The following RRM1 variants were observed in gnomAD, a reference collection of about 807,000 sequenced individuals.
The protein encoded by RRM1 is ribonucleotide reductase catalytic subunit M1, also known as ribonucleoside-diphosphate reductase large subunit.
In RRM1, 19 loss-of-function variants were observed where a neutral mutation model predicts 101.5. That is an observed-to-expected ratio of 0.19 (90% CI 0.13 to 0.27). The LOEUF (loss-of-function observed/expected upper bound fraction) is 0.27. Among genes scored for constraint, RRM1 ranks in the 10% least tolerant of loss-of-function variants. The pLI is 1.00. For missense variants in RRM1, 500 were observed against 962.9 expected (o/e 0.52, Z 6.36); for synonymous variants, 298 against 323.4 (o/e 0.92, Z 0.84).
At chr11:4,116,594 AAACAAC>A (rs1326697720) in intron 7 of RRM1, among the ~76,000 whole-genome samples, 3 of 152,124 alleles carry the variant, frequency 2.0e-5, no homozygotes. Context: ...TCTGTCTCAA[AAACAAC>A]AACAACAAAA....
intron 2 of RRM1, among the ~76,000 whole-genome samples, chr11:4,104,612 C>A (rs953941107): frequency 1.3e-5 from 2 of 152,108 alleles, no homozygotes; most frequent in Non-Finnish European, 2.9e-5. Context: ...TAACCTTGGG[C>A]AAGTCTCAGT....
chr11:4,135,049 GAGTAA>G lies in RRM1; in HGVS notation c.2002-26_2002-22del, dbSNP rs778951380. 10 of 1,498,954 alleles carry G rather than the reference GAGTAA, an allele frequency of 6.7e-6. No homozygotes were observed. The East Asian group carries it at 6.8e-5, about 10-fold the overall frequency. The allele number at this position is 1,498,954 out of a possible 1,614,324, so 92.9% of individuals were successfully genotyped here. ...AATCATACACTGCTTTCTTTAACTG[GAGTAA>G]AGTAAACATTGGGTTTTCCTTCTTT... On this transcript the variant is annotated intron_variant, in intron 17 of 18. Transcript: ENST00000300738.
In RRM1 at chr11:4,094,927, C is replaced by G; in HGVS notation, c.-86C>G. On this transcript the variant is annotated 5_prime_UTR_variant, in exon 1 of 19. Transcript: ENST00000300738. ...GAGCAGCGCCTGGAACCTAACCCTTCCCACTCTGTCACCTTCTCGATCCCG... is the reference window on the plus strand; with the variant it reads ...GAGCAGCGCCTGGAACCTAACCCTTGCCACTCTGTCACCTTCTCGATCCCG... The G allele has an allele frequency of 7.0e-7, 1 of 1,423,410 alleles. No homozygotes were observed. Among genetic ancestry groups the G allele is most frequent in the Non-Finnish European group, 9.7e-7 (1 of 1,030,304 alleles). 88.2% of individuals were successfully genotyped at this position (1,423,410 alleles called of 1,614,324 possible).
At chr11:4,126,097 T>C (rs2094589008) in intron 12 of RRM1, among the ~76,000 whole-genome samples, 1 of 152,244 alleles carries the variant, frequency 6.6e-6, no homozygotes. Flanking sequence ...CTGCCTCGTG[T>C]AGTGGAGAAA....
At chr11:4,119,675 T>G (rs1392311837) in intron 8 of RRM1, 170 bp from the exon 9 acceptor site, 1 of 589,796 alleles carries the variant, frequency 1.7e-6, no homozygotes, top group Non-Finnish European at 3.0e-6. Context: ...CAACATTTTG[T>G]TGATTTTATT....
rs891373150 is a variant in RRM1, at chr11:4,094,918, C to T, written c.-95C>T. ...CTTTCCCCTGAGCAGCGCCTGGAAC[C>T]TAACCCTTCCCACTCTGTCACCTTC... On this transcript the variant is annotated 5_prime_UTR_variant, in exon 1 of 19. Coordinates refer to ENST00000300738, the MANE Select transcript of RRM1 (RefSeq NM_001033.5). 6.6e-6 allele frequency: 9 copies of T among 1,360,618 alleles called. 1 individual carries two copies. Among genetic ancestry groups the T allele is most frequent in the Non-Finnish European group, 8.2e-6 (8 of 973,258 alleles). 84.3% of individuals were successfully genotyped at this position (1,360,618 alleles called of 1,614,324 possible).
At position 4,102,508 on chromosome 11, in the gene RRM1, A is replaced by G. The variant is rs2094552945; in HGVS notation, c.108+427A>G. ...CCCCGTCTCTACTAAAAATGCAAAA[A>G]TTAGCCGGGCCTGGTGGTGGGCGCC... On this transcript the variant is annotated intron_variant, in intron 2 of 18. Coordinates refer to ENST00000300738, the MANE Select transcript of RRM1 (RefSeq NM_001033.5). Among the ~76,000 whole-genome samples the G allele has an allele frequency of 2.0e-5, 3 of 152,030 alleles. No individual in the cohort carries two copies. The South Asian group carries it at 6.2e-4, about 32-fold the overall frequency.
chr11:4,135,203 T>C lies in RRM1; in HGVS notation c.2123T>C (p.Leu708Ser). The stretch of plus-strand genomic sequence containing the variant: ...GCTTTCATTGATCAAAGCCAATCTT[T>C]GAACATCCACATTGCTGAGCCTAAC... ...RGAFIDQSQS[L>S]NIHIAEPNYG... Residue 708 changes from leucine (L) to serine (S), a missense_variant, in exon 18 of 19, where the codon TTG (leucine) becomes TCG (serine). By Grantham distance (145) the Leu-to-Ser change is moderately radical. Transcript: ENST00000300738. 1 of 1,613,870 alleles carries C rather than the reference T, an allele frequency of 6.2e-7. No individual in the cohort carries two copies. Among genetic ancestry groups the C allele is most frequent in the Non-Finnish European group, 8.5e-7 (1 of 1,179,850 alleles).
intron 15 of RRM1, among the ~76,000 whole-genome samples, chr11:4,131,400 G>T (rs879662652): frequency 6.6e-6 from 1 of 152,208 alleles, no homozygotes; most frequent in African/African-American, 2.4e-5. Flanking sequence ...TACAGACTCC[G>T]TCAGGATATG....
chr11:4,102,066 G>A lies in RRM1; in HGVS notation c.93G>A (p.Met31Ile). Residue 31 changes from methionine (M) to isoleucine (I), a missense_variant, in exon 2 of 19, where the codon ATG becomes ATA. Coordinates refer to ENST00000300738, the MANE Select transcript of RRM1 (RefSeq NM_001033.5). ...RIQKLCYGLNMDFVDPAQITM... is the reference protein window; with the variant it reads ...RIQKLCYGLNIDFVDPAQITM... ...AGAAGCTTTGTTATGGACTCAATAT[G>A]GATTTTGTTGATCCTGTAAGTAAAT... 6.4e-7 allele frequency: 1 copy of A among 1,560,058 alleles called. No homozygotes were observed. Among genetic ancestry groups the A allele is most frequent in the South Asian group, 1.1e-5 (1 of 88,338 alleles).
intron 7 of RRM1, among the ~76,000 whole-genome samples, chr11:4,113,881 T>C (rs1432783928): frequency 2.6e-5 from 4 of 151,700 alleles, no homozygotes; most frequent in Non-Finnish European, 2.9e-5. Context: ...AATCCTAGCA[T>C]GTTGGGAGGC....
intron 7 of RRM1, among the ~76,000 whole-genome samples, chr11:4,115,104 T>G (rs1459229388): frequency 6.6e-6 from 1 of 152,140 alleles, no homozygotes; most frequent in Admixed American, 6.5e-5. Flanking sequence ...AAAATGTCAG[T>G]TTTTCCCAAG....
intron 17 of RRM1, among the ~76,000 whole-genome samples, chr11:4,134,274 A>C (rs997142750): frequency 6.6e-6 from 1 of 152,188 alleles, no homozygotes; most frequent in Non-Finnish European, 1.5e-5. Flanking sequence ...GCCTGGCCTC[A>C]GACATCAATA....
rs929207534 is a variant in RRM1, at chr11:4,129,058, G to A, written c.1693-16G>A. 2 of 1,422,702 alleles carry A rather than the reference G, an allele frequency of 1.4e-6. No homozygotes were observed. The highest frequency in any genetic ancestry group is 2.9e-5 in the African/African-American group (2 of 68,282). 88.1% of individuals were successfully genotyped at this position (1,422,702 alleles called of 1,614,324 possible). On this transcript the variant is annotated splice_polypyrimidine_tract_variant and intron_variant, in intron 14 of 18. Transcript: ENST00000300738. Reference sequence around the variant, plus strand: ...TTAACTTGCTGTAGAATAAATTTGAGTTGTGTATTCCTTAGATTCTTCAGT... The same window carrying A: ...TTAACTTGCTGTAGAATAAATTTGAATTGTGTATTCCTTAGATTCTTCAGT...
chr11:4,121,787 G>T, intron 10 of RRM1, 22 bp downstream of exon 10: 1 of 1,566,332 alleles, frequency 6.4e-7, no homozygotes, highest in Non-Finnish European at 8.6e-7. Flanking sequence ...GTACTTGTTG[G>T]TAATAGCAAC....
chr11:4,114,489 G>GCC (rs1290577561), intron 7 of RRM1, among the ~76,000 whole-genome samples: 1 of 150,682 alleles, frequency 6.6e-6, no homozygotes. Context: ...GGCGGAGGTT[G>GCC]CAGTGAGCCA....
chr11:4,118,754 T>C (rs1197782538), intron 8 of RRM1, among the ~76,000 whole-genome samples: 11 of 152,196 alleles, frequency 7.2e-5, no homozygotes, highest in Admixed American at 7.2e-4. Context: ...TTACTGTATG[T>C]TAAGTTTGTT....
chr11:4,098,226 T>C (rs2133282886), intron 1 of RRM1, among the ~76,000 whole-genome samples: 1 of 152,264 alleles, frequency 6.6e-6, no homozygotes. Context: ...AAAGCATCCA[T>C]TTGCACTCTA....
intron 2 of RRM1, among the ~76,000 whole-genome samples, chr11:4,102,651 C>CAA (rs780209887): frequency 1.8e-4 from 15 of 82,106 alleles, no homozygotes; most frequent in Admixed American, 3.7e-4. Flanking sequence ...GACTCCCTCT[C>CAA]AAAAAAAAAA....
Sources: allele counts gnomAD v4.1 joint callset (sites outside exome capture counted in the v4.1 genomes callset), GRCh38; gene constraint gnomAD v4.1.1; transcripts MANE v1.5; gene names NCBI Gene and HGNC (gene_info 2026-07-23, HGNC 2026-07-21).